COPB1: variants seen among roughly 807,000 people sequenced by gnomAD.
COPB1 encodes the protein coat protein complex I subunit beta 1, also known as coatomer subunit beta.
Under a neutral mutation model 108.7 loss-of-function variants are expected in COPB1, and 21 were observed. The observed-to-expected ratio is 0.19, with a 90% CI of 0.14 to 0.28. The LOEUF (loss-of-function observed/expected upper bound fraction) is 0.28, where lower values mean the gene tolerates loss of function less well. Ranked by LOEUF, COPB1 falls within the 10% of genes least tolerant of loss-of-function variation. The probability of loss-of-function intolerance (pLI) is 1.00; values close to 1 mark genes in which losing one functional copy is unlikely to be tolerated. For missense variants in COPB1, 919 were observed against 1,141.3 expected (o/e 0.81, Z 2.81); for synonymous variants, 378 against 386.8 (o/e 0.98, Z 0.27).
intron 18 of COPB1, among the ~76,000 whole-genome samples, chr11:14,463,338 G>A (rs1300041568): frequency 6.6e-6 from 1 of 152,104 alleles, no homozygotes. Flanking sequence ...TTATTTTTGA[G>A]ACAGAGTCTC....
chr11:14,476,454 T>C (rs1436229835), intron 12 of COPB1, among the ~76,000 whole-genome samples: 2 of 152,232 alleles, frequency 1.3e-5, no homozygotes. Context: ...CATTACCTAA[T>C]ATAAGAGCAC....
At position 14,493,664 on chromosome 11, in the gene COPB1, A is replaced by G. The variant is rs377518807; in HGVS notation, c.469T>C (p.Leu157=). 2.4e-5 allele frequency: 39 copies of G among 1,612,202 alleles called. No individual in the cohort carries two copies. The African/African-American group carries it at 4.8e-4, about 20-fold the overall frequency. ...RHSYVRRNAV[L]AIYTIYRNFE... ...TACCTATAGATGGTATAGATGGCCAAAACAGCATTTCTTCTAACATAGCTG... is the reference window on the plus strand; with the variant it reads ...TACCTATAGATGGTATAGATGGCCAGAACAGCATTTCTTCTAACATAGCTG... The change falls in exon 4 of 22, where the codon TTG becomes CTG. Residue 157 remains leucine (L), a synonymous_variant. Coordinates refer to ENST00000439561, the MANE Select transcript of COPB1 (RefSeq NM_001144061.2).
At chr11:14,496,976 G>A (rs1261290629) in intron 2 of COPB1, among the ~76,000 whole-genome samples, 1 of 152,094 alleles carries the variant, frequency 6.6e-6, no homozygotes, top group Admixed American at 6.5e-5. Context: ...AATGGTGCTT[G>A]GAAAACTATG....
chr11:14,477,022 C>T lies in COPB1; in HGVS notation c.1359-7G>A. The T allele has an allele frequency of 6.5e-7, 1 of 1,546,356 alleles. No homozygotes were observed. The highest frequency in any genetic ancestry group is 8.9e-7 in the Non-Finnish European group (1 of 1,119,082). ...TAATGCTCCTCGGTAAATCCTAGCA[C>T]AATACAAGATCTGAAACATGAACTT... On this transcript the variant is annotated splice_region_variant and splice_polypyrimidine_tract_variant and intron_variant, in intron 11 of 21. Transcript: ENST00000439561.
At chr11:14,477,899 A>C (rs906055474) in intron 11 of COPB1, among the ~76,000 whole-genome samples, 1 of 149,344 alleles carries the variant, frequency 6.7e-6, no homozygotes, top group Non-Finnish European at 1.5e-5. Flanking sequence ...TCCATCTCAA[A>C]AAAAAAAAAA....
chr11:14,498,821 A>G lies in COPB1; in HGVS notation c.91+17T>C, dbSNP rs1027138525. The G allele has an allele frequency of 6.4e-7, 1 of 1,555,248 alleles. No homozygotes were observed. The highest frequency in any genetic ancestry group is 2.3e-5 in the East Asian group (1 of 44,386). On this transcript the variant is annotated intron_variant, in intron 2 of 21. Coordinates refer to ENST00000439561, the MANE Select transcript of COPB1 (RefSeq NM_001144061.2). ...TTTCTTTTTTCATTTCATTCTCAAAATAATATCGAAGTTTACCTAGATCAT... is the reference window on the plus strand; with the variant it reads ...TTTCTTTTTTCATTTCATTCTCAAAGTAATATCGAAGTTTACCTAGATCAT...
At chr11:14,470,636 G>GAA (rs1270190587) in intron 14 of COPB1, among the ~76,000 whole-genome samples, 1 of 151,986 alleles carries the variant, frequency 6.6e-6, no homozygotes, top group Non-Finnish European at 1.5e-5. Flanking sequence ...GGAGGCCTGG[G>GAA]AAAAACCAGC....
chr11:14,465,062 TACACACACACACACACACAC>T lies in COPB1; in HGVS notation c.2291-52_2291-33del, dbSNP rs3835110. The T allele has an allele frequency of 4.2e-4, 473 of 1,113,562 alleles. 1 individual carries two copies. Among genetic ancestry groups the T allele is most frequent in the Middle Eastern group, 6.6e-4 (2 of 3,050 alleles). 69.0% of individuals were successfully genotyped at this position (1,113,562 alleles called of 1,614,324 possible). ...GAAAGAGTTTGGATATGGTTAAAAA[TACACACACACACACACACAC>T]ACACACACACACACACACACACACA... is the stretch of plus-strand genomic sequence containing the variant. On this transcript the variant is annotated intron_variant, in intron 17 of 21. Coordinates refer to ENST00000439561, the MANE Select transcript of COPB1 (RefSeq NM_001144061.2).
rs1313225133 is a variant in COPB1 at position 14,465,036 on chromosome 11, A to G, written c.2291-6T>C. 1 of 1,609,312 alleles carries G rather than the reference A, an allele frequency of 6.2e-7. No homozygotes were observed. Among genetic ancestry groups the G allele is most frequent in the Non-Finnish European group, 8.5e-7 (1 of 1,178,534 alleles). On this transcript the variant is annotated splice_polypyrimidine_tract_variant and splice_region_variant and intron_variant, in intron 17 of 21. Coordinates refer to ENST00000439561, the MANE Select transcript of COPB1 (RefSeq NM_001144061.2). ...TTCCACAAGTTTCAGATCCCCTGAA[A>G]GAAAGAGTTTGGATATGGTTAAAAA...
In COPB1 at chr11:14,460,322, G is replaced by C. The variant is rs368830467; in HGVS notation, c.2557-25C>G. ...CCTGTAGAGAGGAAAAAAAAGTCAA[G>C]GAGATCATAAATCTTACTATGAGAA... On this transcript the variant is annotated intron_variant, in intron 19 of 21. Transcript: ENST00000439561. 8 of 1,422,980 alleles carry C rather than the reference G, an allele frequency of 5.6e-6. No homozygotes were observed. In the African/African-American group the frequency reaches 1.0e-4, roughly 18 times the overall value. The allele number at this position is 1,422,980 out of a possible 1,614,324, so 88.1% of individuals were successfully genotyped here.
At chr11:14,486,550 G>A (rs761816646) in intron 6 of COPB1, 46 bp from the exon 7 acceptor site, 3 of 1,598,796 alleles carry the variant, frequency 1.9e-6, no homozygotes, top group Non-Finnish European at 2.6e-6. Context: ...AGGAACGCTT[G>A]TTTTCAAATG....
chr11:14,487,973 T>C (rs952430623), intron 6 of COPB1, among the ~76,000 whole-genome samples: 3 of 152,250 alleles, frequency 2.0e-5, no homozygotes, highest in Non-Finnish European at 4.4e-5. Flanking sequence ...TCAAAGGATA[T>C]ATCATAGTAA....
Position 14,476,964 on chromosome 11 carries a change from T to C in COPB1, c.1410A>G (p.Glu470=), listed in dbSNP as rs749846298. The change falls in exon 12 of 22, where the codon GAA becomes GAG. Residue 470 remains glutamate, a synonymous_variant. Transcript: ENST00000439561. ...TCTCAGTCATCACACTCTGAATGTCTTCCTTGGTACTACAGTATTCTCCCA... is the reference window on the plus strand; with the variant it reads ...TCTCAGTCATCACACTCTGAATGTCCTCCTTGGTACTACAGTATTCTCCCA... ...WILGEYCSTK[E]DIQSVMTEIR... 6.2e-7 allele frequency: 1 copy of C among 1,613,088 alleles called. No individual in the cohort carries two copies.
chr11:14,479,681 C>T lies in COPB1; in HGVS notation c.1246G>A (p.Ala416Thr). ...MEFLSDNNEA[A>T]AADVLEFVRE... is the part of the protein sequence containing the mutation. ...ACAAACTCCAAGACATCAGCAGCTG[C>T]TGCTTCGTTGTTGTCACTGAGAAAT... The change falls in exon 11 of 22, where the codon GCA becomes ACA. Residue 416 changes from alanine (A) to threonine (T), a missense_variant. Physicochemically the swap from Ala to Thr is moderately conservative, Grantham distance 58. Coordinates refer to ENST00000439561, the MANE Select transcript of COPB1 (RefSeq NM_001144061.2). 1 of 1,604,574 alleles carries T rather than the reference C, an allele frequency of 6.2e-7. No individual in the cohort carries two copies.
intron 19 of COPB1, among the ~76,000 whole-genome samples, chr11:14,460,696 G>A (rs1186157387): frequency 6.6e-6 from 1 of 152,006 alleles, no homozygotes; most frequent in Non-Finnish European, 1.5e-5. Flanking sequence ...TAGAGATGGA[G>A]TTTCACCATT....
At chr11:14,468,618 G>C in intron 16 of COPB1, 63 bp downstream of exon 16, 1 of 1,444,472 alleles carries the variant, frequency 6.9e-7, no homozygotes, top group Non-Finnish European at 9.6e-7. Context: ...AAAAATAGCA[G>C]CACTAACAAC....
rs373344919 is a variant in COPB1 at position 14,458,680 on chromosome 11, G to C, written c.2654C>G (p.Ser885Cys). 4 of 1,606,480 alleles carry C rather than the reference G, an allele frequency of 2.5e-6. No homozygotes were observed. The African/African-American group carries it at 5.4e-5, about 22-fold the overall frequency. Reference sequence around the variant, plus strand: ...GGCTGCCATAAAGCCACAGTAACCAGAAAGGGCCTGGAAAAAATTTGTGAT... The same window carrying C: ...GGCTGCCATAAAGCCACAGTAACCACAAAGGGCCTGGAAAAAATTTGTGAT... ...MKCLTPEKALSGYCGFMAANL... is the reference protein window; with the variant it reads ...MKCLTPEKALCGYCGFMAANL... The change falls in exon 21 of 22, where the codon TCT becomes TGT. Residue 885 changes from serine to cysteine, a missense_variant. Ser to Cys is a moderately radical substitution (Grantham distance 112). This residue lies in a region of COPB1 where 705 missense variants were observed against 817.8 expected (regional missense o/e 0.86). Coordinates refer to ENST00000439561, the MANE Select transcript of COPB1 (RefSeq NM_001144061.2).
chr11:14,468,704 G>T lies in COPB1; in HGVS notation c.2122C>A (p.Pro708Thr), dbSNP rs1379414599. 4 of 1,614,016 alleles carry T rather than the reference G, an allele frequency of 2.5e-6. 1 individual carries two copies. The highest frequency in any genetic ancestry group is 2.2e-5 in the South Asian group (2 of 91,062). Residue 708 changes from proline (P) to threonine (T), a missense_variant, in exon 16 of 22, where the codon CCC becomes ACC. Around this residue, in one of 5 missense-constraint regions of COPB1, gnomAD observed 705 missense variants for 817.8 expected, o/e 0.86. Transcript: ENST00000439561. Reference protein sequence around the residue: ...GNTQRKEAADPLASKLNKVTQ... With the variant: ...GNTQRKEAADTLASKLNKVTQ... The stretch of plus-strand genomic sequence containing the variant: ...ACCTTGTTAAGTTTAGATGCTAGGG[G>T]ATCTGCTGCCTCTTTCCTCTGTGTG...
chr11:14,459,466 T>G (rs372112773), intron 20 of COPB1, among the ~76,000 whole-genome samples: 1 of 152,202 alleles, frequency 6.6e-6, no homozygotes, highest in South Asian at 2.1e-4. Context: ...TTCATTTTTC[T>G]TTCTCTCTCG....
Sources: allele counts gnomAD v4.1 joint callset (sites outside exome capture counted in the v4.1 genomes callset), GRCh38; gene constraint gnomAD v4.1.1; regional missense constraint gnomAD v4.1.1; transcripts MANE v1.5; gene names NCBI Gene and HGNC (gene_info 2026-07-23, HGNC 2026-07-21).